HIKESHI: variants seen among roughly 807,000 people sequenced by gnomAD.
HIKESHI encodes protein Hikeshi.
In HIKESHI, 13 loss-of-function variants were observed where a neutral mutation model predicts 25.7. The ratio of observed to expected loss-of-function variants is 0.51; its 90% confidence interval spans 0.33 to 0.80. The LOEUF is 0.80. HIKESHI is among the 30% of genes least tolerant of loss of function. The pLI is 0.02. For synonymous variants in HIKESHI, 76 were observed against 78.7 expected, an observed-to-expected ratio of 0.97 and a Z score of 0.18; for missense variants, 174 against 229.5, an observed-to-expected ratio of 0.76 and a Z score of 1.56.
chr11:86,334,639 A>G (rs7114282), intron 2 of HIKESHI, among the ~76,000 whole-genome samples: 1 of 152,152 alleles, frequency 6.6e-6, no homozygotes, highest in Admixed American at 6.5e-5. Flanking sequence ...TAGATTTAAA[A>G]GAAATCAAAC....
At chr11:86,329,412 T>C (rs544039605) in intron 2 of HIKESHI, among the ~76,000 whole-genome samples, 32 of 152,278 alleles carry the variant, frequency 2.1e-4, no homozygotes, top group African/African-American at 7.2e-4. Context: ...GATTTTTGTA[T>C]GGCTTTGTAT....
chr11:86,307,978 T>TATATAA (rs1946705228), intron 2 of HIKESHI, among the ~76,000 whole-genome samples: 1 of 115,326 alleles, frequency 8.7e-6, no homozygotes, highest in African/African-American at 3.5e-5. Flanking sequence ...TATATATGTG[T>TATATAA]AATATATATT....
chr11:86,337,658 GTTTTA>G lies in HIKESHI; in HGVS notation c.420+133_420+137del, dbSNP rs547173219. ...TTGATACATGTTTACATTTTGTTTT[GTTTTA>G]TTTTGTTTTTGAGAGATGGAGTCTT... On this transcript the variant is annotated intron_variant, in intron 3 of 4. Transcript: ENST00000278483. 8.2e-4 allele frequency: 910 copies of G among 1,107,068 alleles called. 3 individuals carry two copies. Among genetic ancestry groups the G allele is most frequent in the South Asian group, 2.0e-3 (110 of 55,154 alleles). 68.6% of individuals were successfully genotyped at this position (1,107,068 alleles called of 1,614,324 possible).
In HIKESHI at chr11:86,318,878, A is replaced by T. The variant is rs184496544; in HGVS notation, c.268+12396A>T. Reference sequence around the variant, plus strand: ...TAATGTATGTCTTTAAAAGACAGTTAAAAAAACTGTAATACTGTTATCACA... The same window carrying T: ...TAATGTATGTCTTTAAAAGACAGTTTAAAAAACTGTAATACTGTTATCACA... On this transcript the variant is annotated intron_variant, in intron 2 of 4. Transcript: ENST00000278483. Among the ~76,000 whole-genome samples the T allele has an allele frequency of 6.3e-4, 96 of 152,250 alleles. 1 individual carries two copies. The highest frequency in any genetic ancestry group is 3.4e-3 in the Middle Eastern group (1 of 294).
intron 3 of HIKESHI, 86 bp downstream of exon 3, chr11:86,337,616 T>TATACA (rs1947605261): frequency 7.6e-7 from 1 of 1,318,574 alleles, no homozygotes; most frequent in Non-Finnish European, 1.0e-6. Context: ...TAACTTAGGG[T>TATACA]ATACAATGTG....
chr11:86,316,491 G>A lies in HIKESHI; in HGVS notation c.268+10009G>A, dbSNP rs550444701. Among the ~76,000 whole-genome samples, 6 of 152,000 alleles carry A rather than the reference G, an allele frequency of 3.9e-5. No homozygotes were observed. The East Asian group carries it at 9.7e-4, about 25-fold the overall frequency. On this transcript the variant is annotated intron_variant, in intron 2 of 4. Coordinates refer to ENST00000278483, the MANE Select transcript of HIKESHI (RefSeq NM_016401.4). The stretch of plus-strand genomic sequence containing the variant: ...CCCACCACGGCACTCCAGCCTGGGC[G>A]ACAGAGTGAGACTCCATCTTCAAAA...
intron 2 of HIKESHI, among the ~76,000 whole-genome samples, chr11:86,306,987 G>A (rs1019649636): frequency 2.8e-5 from 4 of 145,426 alleles, no homozygotes; most frequent in Admixed American, 7.0e-5. Flanking sequence ...GTGACAGAGC[G>A]AGACTCTGTC....
intron 3 of HIKESHI, among the ~76,000 whole-genome samples, chr11:86,339,486 T>G (rs951174116): frequency 2.0e-5 from 3 of 152,132 alleles, no homozygotes; most frequent in Admixed American, 1.3e-4. Context: ...ACTGTTATAT[T>G]TTGTCTTATT....
At chr11:86,337,636 A>G (rs1947606390) in intron 3 of HIKESHI, 106 bp downstream of exon 3, 2 of 1,183,486 alleles carry the variant, frequency 1.7e-6, no homozygotes, top group Non-Finnish European at 2.3e-6. Context: ...GATGTTTTTG[A>G]TACATGTTTA....
chr11:86,327,096 G>C (rs1370856524), intron 2 of HIKESHI, among the ~76,000 whole-genome samples: 1 of 152,014 alleles, frequency 6.6e-6, no homozygotes, highest in East Asian at 1.9e-4. Flanking sequence ...ATGGTGTTTT[G>C]GGAAAATAAT....
Position 86,341,445 on chromosome 11 carries a change from T to G in HIKESHI, c.421-3158T>G, listed in dbSNP as rs139287251. Among the ~76,000 whole-genome samples the G allele has an allele frequency of 1.6e-3, 239 of 152,184 alleles. 3 individuals carry two copies. Among genetic ancestry groups the G allele is most frequent in the South Asian group, 0.013 (62 of 4,832 alleles). On this transcript the variant is annotated intron_variant, in intron 3 of 4. Transcript: ENST00000278483. Reference sequence around the variant, plus strand: ...TTCTCATTCAGTTTATTTAAACATATCAGTTTCAAATTGGTCTCGGAAACA... The same window carrying G: ...TTCTCATTCAGTTTATTTAAACATAGCAGTTTCAAATTGGTCTCGGAAACA...
At chr11:86,311,496 CT>C (rs919448759) in intron 2 of HIKESHI, among the ~76,000 whole-genome samples, 1 of 151,942 alleles carries the variant, frequency 6.6e-6, no homozygotes, top group African/African-American at 2.4e-5. Flanking sequence ...TTTTGTTGAT[CT>C]TTCAAAAAAC....
chr11:86,328,601 G>A (rs899027500), intron 2 of HIKESHI, among the ~76,000 whole-genome samples: 1 of 151,816 alleles, frequency 6.6e-6, no homozygotes, highest in Non-Finnish European at 1.5e-5. Flanking sequence ...CTGCCACCAC[G>A]CCCGGCTAAT....
chr11:86,320,215 T>C (rs1391348284), intron 2 of HIKESHI, among the ~76,000 whole-genome samples: 1 of 152,248 alleles, frequency 6.6e-6, no homozygotes, highest in Non-Finnish European at 1.5e-5. Context: ...TCAGAATCCA[T>C]TGGACCCAAT....
At chr11:86,329,082 A>T (rs77800930) in intron 2 of HIKESHI, among the ~76,000 whole-genome samples, 1 of 151,722 alleles carries the variant, frequency 6.6e-6, no homozygotes, top group Non-Finnish European at 1.5e-5. Context: ...CTCCTTTCCT[A>T]TTAACCAAGT....
intron 2 of HIKESHI, chr11:86,324,078 A>G (rs1476040891): frequency 1.3e-5 from 2 of 152,022 alleles, no homozygotes; most frequent in Admixed American, 6.6e-5. Context: ...TGATCCCGCT[A>G]TTGATCAGCA....
intron 2 of HIKESHI, among the ~76,000 whole-genome samples, chr11:86,314,646 A>G (rs1277536047): frequency 6.6e-6 from 1 of 152,156 alleles, no homozygotes; most frequent in African/African-American, 2.4e-5. Context: ...AAAGAAAGAA[A>G]GAAATGGGAG....
intron 2 of HIKESHI, among the ~76,000 whole-genome samples, chr11:86,326,131 C>G (rs1947276598): frequency 1.3e-5 from 2 of 152,086 alleles, no homozygotes; most frequent in African/African-American, 2.4e-5. Flanking sequence ...TACCCTGTCT[C>G]TACTAAAAAT....
At chr11:86,327,398 T>G (rs1320186443) in intron 2 of HIKESHI, among the ~76,000 whole-genome samples, 1 of 151,992 alleles carries the variant, frequency 6.6e-6, no homozygotes, top group East Asian at 1.9e-4. Flanking sequence ...CACTGCCAGC[T>G]CCGCCTCCCG....
Sources: gnomAD v4.1 joint callset for allele counts (sites outside exome capture counted in the v4.1 genomes callset) on GRCh38, gnomAD v4.1.1 for gene constraint, MANE v1.5 for transcripts, NCBI Gene and HGNC (gene_info 2026-07-23, HGNC 2026-07-21) for gene names.